SHOC2: variants seen among roughly 807,000 people sequenced by gnomAD.
The protein encoded by SHOC2 is leucine-rich repeat protein SHOC-2.
In SHOC2, 4 loss-of-function variants were observed where a neutral mutation model predicts 50.2. The observed-to-expected ratio is 0.08, with a 90% CI of 0.04 to 0.18. The LOEUF (loss-of-function observed/expected upper bound fraction) is 0.18. SHOC2 is among the 10% of genes least tolerant of loss of function. The pLI is 1.00. For missense variants in SHOC2, 388 were observed against 669.6 expected (o/e 0.58, Z 4.64); for synonymous variants, 218 against 244.5 (o/e 0.89, Z 1.01).
At chr10:110,951,813 G>A (rs1847358620) in intron 1 of SHOC2, 1 of 152,140 alleles carries the variant, frequency 6.6e-6, no homozygotes, top group Non-Finnish European at 1.5e-5. Context: ...TTATAGCCAT[G>A]TCTGGCCAAT....
At chr10:110,967,863 C>T (rs1847706501) in intron 2 of SHOC2, among the ~76,000 whole-genome samples, 1 of 152,096 alleles carries the variant, frequency 6.6e-6, no homozygotes, top group African/African-American at 2.4e-5. Context: ...TTTATTTATG[C>T]ATTTATCAGT....
intron 1 of SHOC2, among the ~76,000 whole-genome samples, chr10:110,926,606 A>G (rs911098395): frequency 1.3e-5 from 2 of 152,246 alleles, no homozygotes; most frequent in African/African-American, 2.4e-5. Context: ...ACAGCAGTTT[A>G]TAGCAACTTA....
At chr10:110,920,928 G>A (rs1234799221) in intron 1 of SHOC2, among the ~76,000 whole-genome samples, 2 of 152,000 alleles carry the variant, frequency 1.3e-5, no homozygotes, top group Non-Finnish European at 2.9e-5. Context: ...TACTCAAGAG[G>A]GACTACTATA....
At chr10:110,969,315 C>A (rs944997616) in intron 2 of SHOC2, among the ~76,000 whole-genome samples, 1 of 152,160 alleles carries the variant, frequency 6.6e-6, no homozygotes, top group Non-Finnish European at 1.5e-5. Flanking sequence ...CAGTCAAGAA[C>A]CCATGTTTTC....
intron 3 of SHOC2, 23 bp downstream of exon 3, chr10:110,985,788 T>C (rs747409819): frequency 1.9e-6 from 3 of 1,601,960 alleles, no homozygotes; most frequent in East Asian, 2.2e-5. Context: ...AAAGGAGATA[T>C]TGATAGCTGT....
At chr10:110,928,069 C>A (rs1846811622) in intron 1 of SHOC2, among the ~76,000 whole-genome samples, 1 of 152,110 alleles carries the variant, frequency 6.6e-6, no homozygotes, top group South Asian at 2.1e-4. Flanking sequence ...GTAGTCCCAG[C>A]ACTTTGGGAG....
chr10:110,930,134 A>G (rs1846861667), intron 1 of SHOC2, among the ~76,000 whole-genome samples: 1 of 152,238 alleles, frequency 6.6e-6, no homozygotes, highest in Non-Finnish European at 1.5e-5. Flanking sequence ...AACCCAAATT[A>G]TAAAAGTTCT....
intron 3 of SHOC2, among the ~76,000 whole-genome samples, chr10:110,989,371 T>C (rs1331462532): frequency 6.6e-6 from 1 of 152,220 alleles, no homozygotes; most frequent in Non-Finnish European, 1.5e-5. Context: ...CCTGTTGCCA[T>C]AGTTGCCTCA....
chr10:110,961,183 C>G (rs904328372), intron 1 of SHOC2, among the ~76,000 whole-genome samples: 1 of 152,130 alleles, frequency 6.6e-6, no homozygotes, highest in Non-Finnish European at 1.5e-5. Context: ...AGATTTCAAG[C>G]ATTTTGAGAC....
chr10:110,964,991 C>G lies in SHOC2; in HGVS notation c.633C>G (p.Ile211Met), dbSNP rs1050720476. The G allele has an allele frequency of 8.7e-6, 14 of 1,613,726 alleles. No homozygotes were observed. The South Asian group carries it at 1.3e-4, about 15-fold the overall frequency. Residue 211 changes from isoleucine to methionine, a missense_variant, in exon 2 of 9, where the codon ATC (isoleucine) becomes ATG (methionine). Physicochemically the swap from Ile to Met is conservative, Grantham distance 10. Around this residue, in one of 5 missense-constraint regions of SHOC2, gnomAD observed 88 missense variants for 147.2 expected, o/e 0.60. Transcript: ENST00000369452. The surrounding 1 kb of genome is among the most constrained non-coding windows in gnomAD (Gnocchi z 4.9). ...FNRITTVEKDIKNLSKLSMLS... is the reference protein window; with the variant it reads ...FNRITTVEKDMKNLSKLSMLS... ...GTATAACTACTGTGGAAAAGGACAT[C>G]AAAAACTTGTCAAAACTCAGCATGC...
intron 2 of SHOC2, among the ~76,000 whole-genome samples, chr10:110,975,377 C>T (rs956883242): frequency 2.0e-5 from 3 of 152,014 alleles, no homozygotes; most frequent in Non-Finnish European, 2.9e-5. Context: ...CTCCTGACCT[C>T]GTGATCTGCC....
At chr10:110,930,201 T>C (rs987744032) in intron 1 of SHOC2, among the ~76,000 whole-genome samples, 10 of 152,214 alleles carry the variant, frequency 6.6e-5, no homozygotes, top group Admixed American at 6.5e-5. Context: ...AGAGGTCTTT[T>C]AAAGTCTCAG....
chr10:110,952,374 A>G (rs1847371641), intron 1 of SHOC2, among the ~76,000 whole-genome samples: 1 of 152,144 alleles, frequency 6.6e-6, no homozygotes. Flanking sequence ...ATTATCACAG[A>G]AAGTGCATAG....
Position 111,011,631 on chromosome 10 carries a change from A to G in SHOC2, c.1562A>G (p.Glu521Gly). 6.2e-7 allele frequency: 1 copy of G among 1,613,720 alleles called. No individual in the cohort carries two copies. Among genetic ancestry groups the G allele is most frequent in the Non-Finnish European group, 8.5e-7 (1 of 1,179,682 alleles). ...ACAGGTACACTGGAGAACCTAGAAGAACTGTATTTGAATGACAACCCCAAC... is the reference window on the plus strand; with the variant it reads ...ACAGGTACACTGGAGAACCTAGAAGGACTGTATTTGAATGACAACCCCAAC... ...EEIGTLENLE[E>G]LYLNDNPNLH... is the part of the protein sequence containing the mutation. Residue 521 changes from glutamate (E) to glycine (G), a missense_variant, in exon 9 of 9, where the codon GAA becomes GGA. Physicochemically the swap from Glu to Gly is moderately conservative, Grantham distance 98. This residue lies in a region of SHOC2 where 130 missense variants were observed against 208.6 expected (regional missense o/e 0.62). Coordinates refer to ENST00000369452, the MANE Select transcript of SHOC2 (RefSeq NM_007373.4).
Position 110,985,785 on chromosome 10 carries a change from A to G in SHOC2, c.841+20A>G. On this transcript the variant is annotated intron_variant, in intron 3 of 8. Transcript: ENST00000369452. The stretch of plus-strand genomic sequence containing the variant: ...CTATAGGTATGAGAGGAGAAAGGAG[A>G]TATTGATAGCTGTTAATAGCTAACT... 1 of 1,606,762 alleles carries G rather than the reference A, an allele frequency of 6.2e-7. No individual in the cohort carries two copies. The highest frequency in any genetic ancestry group is 8.5e-7 in the Non-Finnish European group (1 of 1,173,754).
intron 1 of SHOC2, among the ~76,000 whole-genome samples, chr10:110,958,712 AAATTTTACT>A (rs1362579164): frequency 6.6e-6 from 1 of 152,074 alleles, no homozygotes; most frequent in Non-Finnish European, 1.5e-5. Flanking sequence ...AATTTGTTCA[AAATTTTACT>A]AATTTTCTTT....
intron 1 of SHOC2, among the ~76,000 whole-genome samples, chr10:110,926,228 A>G (rs947331152): frequency 6.6e-6 from 1 of 152,114 alleles, no homozygotes; most frequent in Admixed American, 6.6e-5. Flanking sequence ...CTAGACTGTA[A>G]GCCTTAAGAT....
At chr10:110,937,936 T>C (rs1847061186) in intron 1 of SHOC2, among the ~76,000 whole-genome samples, 1 of 152,224 alleles carries the variant, frequency 6.6e-6, no homozygotes, top group African/African-American at 2.4e-5. Flanking sequence ...TTTAGAGTGC[T>C]CATCAGTTCT....
intron 1 of SHOC2, among the ~76,000 whole-genome samples, chr10:110,922,348 T>A (rs1263869865): frequency 1.3e-5 from 2 of 152,156 alleles, no homozygotes; most frequent in Non-Finnish European, 2.9e-5. Flanking sequence ...AACTTGAAAT[T>A]CTTTATTATA....
Sources: allele counts gnomAD v4.1 joint callset (sites outside exome capture counted in the v4.1 genomes callset), GRCh38; gene constraint gnomAD v4.1.1; regional missense constraint gnomAD v4.1.1; non-coding constraint Gnocchi (gnomAD v3.1); transcripts MANE v1.5; gene names NCBI Gene and HGNC (gene_info 2026-07-23, HGNC 2026-07-21).